Variants in ABCB7 observed in about 807,000 individuals in gnomAD.
ABCB7 encodes the protein ATP binding cassette subfamily B member 7.
ABCB7 carries 7 observed loss-of-function variants against 54.4 expected under a neutral mutation model. That is an observed-to-expected ratio of 0.13 (90% CI 0.07 to 0.24). The LOEUF is 0.24. Ranked by LOEUF, ABCB7 falls within the 10% of genes least tolerant of loss-of-function variation. ABCB7 has a pLI of 1.00. For synonymous variants in ABCB7, 218 were observed against 207.1 expected (o/e 1.05, Z -0.45); for missense variants, 356 against 570.4 (o/e 0.62, Z 3.83).
At position 75,081,710 on chromosome X, in the gene ABCB7, T is replaced by C. The variant is rs1217840572; in HGVS notation, c.454-5056A>G. Among the ~76,000 whole-genome samples the C allele has an allele frequency of 2.7e-5, 3 of 111,826 alleles. No individual in the cohort carries two copies. In the East Asian group the frequency reaches 8.4e-4, roughly 31 times the overall value. ...AATAAAAACACTGAAATCCCAGCGC[T>C]TGTTAATGTTCCATTACTATGCCAT... On this transcript the variant is annotated intron_variant, in intron 4 of 15. Coordinates refer to ENST00000373394, the MANE Select transcript of ABCB7 (RefSeq NM_001271696.3).
At chrX:75,132,112 C>G (rs919721434) in intron 1 of ABCB7, among the ~76,000 whole-genome samples, 1 of 111,470 alleles carries the variant, frequency 9.0e-6, no homozygotes, top group Non-Finnish European at 1.9e-5. Context: ...GTTAGTGGCT[C>G]TGTGTTTCTC....
intron 4 of ABCB7, chrX:75,097,309 T>A (rs905695432): frequency 8.9e-6 from 1 of 111,748 alleles, no homozygotes; most frequent in Non-Finnish European, 1.9e-5. Context: ...CCTACACCTG[T>A]AATAATCCTA....
chrX:75,115,794 G>A (rs904377344), intron 1 of ABCB7, among the ~76,000 whole-genome samples: 4 of 107,479 alleles, frequency 3.7e-5, no homozygotes, highest in Non-Finnish European at 7.7e-5. Context: ...GTTGGGGGGG[G>A]GGGCACGGGG....
intron 1 of ABCB7, among the ~76,000 whole-genome samples, chrX:75,152,797 T>C (rs901164369): frequency 4.6e-5 from 5 of 108,810 alleles, no homozygotes; most frequent in Admixed American, 3.9e-4. Context: ...GTAGCTGTAG[T>C]CACAGGTGCA....
chrX:75,128,244 A>G (rs1223682444), intron 1 of ABCB7, among the ~76,000 whole-genome samples: 3 of 111,715 alleles, frequency 2.7e-5, no homozygotes. Flanking sequence ...CTGGTACCAA[A>G]ACAGATATAT....
At chrX:75,156,026 C>A in intron 1 of ABCB7, 79 bp downstream of exon 1, 1 of 1,103,059 alleles carries the variant, frequency 9.1e-7, no homozygotes, top group South Asian at 1.9e-5. Context: ...CTCTCTCTGC[C>A]CCGAGGTCAG....
intron 1 of ABCB7, among the ~76,000 whole-genome samples, chrX:75,153,892 T>G (rs951693272): frequency 9.2e-6 from 1 of 108,523 alleles, no homozygotes; most frequent in African/African-American, 3.3e-5. Context: ...AAAAAAGTGC[T>G]AATCCAACCC....
At chrX:75,099,396 A>T (rs770895384) in intron 3 of ABCB7, among the ~76,000 whole-genome samples, 1 of 111,604 alleles carries the variant, frequency 9.0e-6, no homozygotes, top group Non-Finnish European at 1.9e-5. Flanking sequence ...TTCAAAAAAA[A>T]TTTCCATATT....
Position 75,114,309 on chromosome X carries a change from T to C in ABCB7, c.246+445A>G, listed in dbSNP as rs138399099. ...AGAATTTTTAAAGATGTCTTTCACT[T>C]ATATTAGCAATGAAAAATAACCTCA... On this transcript the variant is annotated intron_variant, in intron 2 of 15. Transcript: ENST00000373394. Among the ~76,000 whole-genome samples, 355 of 112,099 alleles carry C rather than the reference T, an allele frequency of 3.2e-3. 2 individuals are homozygous for C. Among genetic ancestry groups the C allele is most frequent in the African/African-American group, 0.011 (348 of 30,955 alleles).
At chrX:75,121,663 A>G (rs2081880336) in intron 1 of ABCB7, among the ~76,000 whole-genome samples, 1 of 112,180 alleles carries the variant, frequency 8.9e-6, no homozygotes, top group Non-Finnish European at 1.9e-5. Flanking sequence ...CTTGGTTCCA[A>G]GAGTTGCACA....
intron 1 of ABCB7, among the ~76,000 whole-genome samples, chrX:75,127,720 T>C (rs769920445): frequency 7.5e-4 from 84 of 112,310 alleles, no homozygotes; most frequent in African/African-American, 2.6e-3. Context: ...AGTCACAGGA[T>C]ACAAAATGGA....
At chrX:75,144,093 C>T (rs1306577435) in intron 1 of ABCB7, among the ~76,000 whole-genome samples, 1 of 111,434 alleles carries the variant, frequency 9.0e-6, no homozygotes, top group Non-Finnish European at 1.9e-5. Context: ...GCAATGCAGG[C>T]ACTTATCACT....
intron 1 of ABCB7, among the ~76,000 whole-genome samples, chrX:75,120,237 T>G (rs989706637): frequency 8.9e-6 from 1 of 112,625 alleles, no homozygotes; most frequent in African/African-American, 3.2e-5. Context: ...TCTCTCTACC[T>G]GATTTTTCCA....
intron 1 of ABCB7, among the ~76,000 whole-genome samples, chrX:75,153,337 A>C (rs1056151878): frequency 9.0e-6 from 1 of 111,332 alleles, no homozygotes; most frequent in Non-Finnish European, 1.9e-5. Context: ...TTTTGGGACG[A>C]CTGTTGAATA....
intron 15 of ABCB7, among the ~76,000 whole-genome samples, chrX:75,056,755 A>G (rs2147444068): frequency 9.0e-6 from 1 of 111,167 alleles, no homozygotes; most frequent in African/African-American, 3.3e-5. Context: ...TGCCAATTCC[A>G]TATTTTTATC....
chrX:75,088,010 T>A (rs1299365356), intron 4 of ABCB7, among the ~76,000 whole-genome samples: 1 of 111,863 alleles, frequency 8.9e-6, no homozygotes, highest in Non-Finnish European at 1.9e-5. Context: ...GAAAAGTAGA[T>A]CACACTGATA....
At chrX:75,113,829 AG>A (rs1171830975) in intron 2 of ABCB7, among the ~76,000 whole-genome samples, 4 of 112,284 alleles carry the variant, frequency 3.6e-5, no homozygotes, top group African/African-American at 1.3e-4. Context: ...AGATAGAAAA[AG>A]TGATTGCCAT....
chrX:75,143,658 G>A (rs2082070637), intron 1 of ABCB7, among the ~76,000 whole-genome samples: 1 of 111,468 alleles, frequency 9.0e-6, no homozygotes, highest in Non-Finnish European at 1.9e-5. Flanking sequence ...TCTATATGGT[G>A]GAGGAGGCTT....
intron 6 of ABCB7, 51 bp downstream of exon 6, chrX:75,075,311 T>G (rs752361341): frequency 8.5e-7 from 1 of 1,171,462 alleles, no homozygotes; most frequent in Admixed American, 2.3e-5. Context: ...ATTCAATTGC[T>G]ACTAATGAGA....
Sources: allele counts gnomAD v4.1 joint callset (sites outside exome capture counted in the v4.1 genomes callset), GRCh38; gene constraint gnomAD v4.1.1; transcripts MANE v1.5; gene names NCBI Gene and HGNC (gene_info 2026-07-23, HGNC 2026-07-21).